ZDHHC21: variants seen among roughly 807,000 people sequenced by gnomAD.
The protein encoded by ZDHHC21 is palmitoyltransferase ZDHHC21.
In ZDHHC21, 15 loss-of-function variants were observed where a neutral mutation model predicts 34.6. That is an observed-to-expected ratio of 0.43 (90% CI 0.29 to 0.67). ZDHHC21 has a LOEUF of 0.67. Among genes scored for constraint, ZDHHC21 ranks in the 30% least tolerant of loss-of-function variants. ZDHHC21 has a pLI of 0.14. For missense variants in ZDHHC21, 344 were observed against 327.7 expected, an observed-to-expected ratio of 1.05 and a Z score of -0.38; for synonymous variants, 142 against 101.8, an observed-to-expected ratio of 1.40 and a Z score of -2.38.
chr9:14,639,937 T>A lies in ZDHHC21; in HGVS notation c.580A>T (p.Ile194Leu). Residue 194 changes from isoleucine (I) to leucine (L), a missense_variant, in exon 8 of 10, where the codon ATA becomes TTA. Ile to Leu is a conservative substitution (Grantham distance 5). Transcript: ENST00000380916. The stretch of plus-strand genomic sequence containing the variant: ...AGTTGAGTGTAAAAGAGTCCAGTTA[T>A]TCCAACTAACATAGTAATGCCCATA... ...AFMGITMLVG[I>L]TGLFYTQLIG... 1 of 1,607,950 alleles carries A rather than the reference T, an allele frequency of 6.2e-7. No homozygotes were observed. Among genetic ancestry groups the A allele is most frequent in the Non-Finnish European group, 8.5e-7 (1 of 1,176,520 alleles).
intron 2 of ZDHHC21, among the ~76,000 whole-genome samples, chr9:14,682,480 G>T (rs1587455082): frequency 6.6e-6 from 1 of 152,176 alleles, no homozygotes; most frequent in Non-Finnish European, 1.5e-5. Context: ...AACTCAACAA[G>T]AAGAGCTAAC....
downstream of ZDHHC21, among the ~76,000 whole-genome samples, chr9:14,608,397 T>G (rs959574333): frequency 2.0e-5 from 3 of 152,204 alleles, no homozygotes; most frequent in Non-Finnish European, 4.4e-5. Flanking sequence ...CAATTAAACT[T>G]ACTACTAAAG....
chr9:14,622,342 G>C (rs563513009), intron 8 of ZDHHC21, among the ~76,000 whole-genome samples: 1 of 151,314 alleles, frequency 6.6e-6, no homozygotes, highest in South Asian at 2.1e-4. Context: ...TATTTTTCAG[G>C]TCTAGTCTAA....
At position 14,613,118 on chromosome 9, in the gene ZDHHC21, T is replaced by C. The variant is rs2133372058; in HGVS notation, c.*5848A>G. ...GCCAAGCTATATTAAAATACAAAATTAAAATCCATACATGCCTACCTAAAA... is the reference window on the plus strand; with the variant it reads ...GCCAAGCTATATTAAAATACAAAATCAAAATCCATACATGCCTACCTAAAA... On this transcript the variant is annotated 3_prime_UTR_variant, in exon 10 of 10. Transcript: ENST00000380916. The C allele has an allele frequency of 6.6e-6, 1 of 151,896 alleles. No individual in the cohort carries two copies. Among genetic ancestry groups the C allele is most frequent in the South Asian group, 2.1e-4 (1 of 4,828 alleles). 9.4% of individuals were successfully genotyped at this position (151,896 alleles called of 1,614,324 possible).
At chr9:14,642,662 T>C (rs918640784) in intron 7 of ZDHHC21, among the ~76,000 whole-genome samples, 4 of 152,128 alleles carry the variant, frequency 2.6e-5, no homozygotes, top group Admixed American at 6.6e-5. Context: ...GGAAAGACCA[T>C]GTGGGGACAG....
chr9:14,607,426 T>A (rs979564839), downstream of ZDHHC21, among the ~76,000 whole-genome samples: 7 of 152,046 alleles, frequency 4.6e-5, no homozygotes, highest in African/African-American at 1.7e-4. Context: ...TATTATATGT[T>A]AATAGGGATA....
At chr9:14,622,882 C>CA (rs1433443038) in intron 8 of ZDHHC21, among the ~76,000 whole-genome samples, 2 of 152,048 alleles carry the variant, frequency 1.3e-5, no homozygotes, top group African/African-American at 4.8e-5. Flanking sequence ...GAAGACAGTT[C>CA]AATCTAACCT....
intron 2 of ZDHHC21, among the ~76,000 whole-genome samples, chr9:14,685,970 C>G (rs937483580): frequency 6.6e-6 from 1 of 151,990 alleles, no homozygotes; most frequent in African/African-American, 2.4e-5. Context: ...AAACCAAACA[C>G]CACATGTTCT....
chr9:14,597,164 C>T, the ZDHHC21 span, among the ~76,000 whole-genome samples: 2 of 152,144 alleles, frequency 1.3e-5, no homozygotes, highest in African/African-American at 2.4e-5. Context: ...GTCCCACACA[C>T]CCCGAGACCC....
intron 7 of ZDHHC21, among the ~76,000 whole-genome samples, chr9:14,653,978 A>C (rs977849587): frequency 3.9e-5 from 6 of 152,048 alleles, no homozygotes; most frequent in African/African-American, 1.4e-4. Context: ...AAAATCTCAG[A>C]GAAAGTAGAC....
chr9:14,622,126 T>C (rs983624372), intron 8 of ZDHHC21, among the ~76,000 whole-genome samples: 2 of 152,122 alleles, frequency 1.3e-5, no homozygotes, highest in African/African-American at 4.8e-5. Flanking sequence ...TATAAATATT[T>C]ACACCTCGAT....
chr9:14,602,773 A>T, the ZDHHC21 span, among the ~76,000 whole-genome samples: 1 of 152,120 alleles, frequency 6.6e-6, no homozygotes, highest in East Asian at 1.9e-4. Context: ...AACAAAGGAC[A>T]AAAGCCAGGC....
At position 14,693,407 on chromosome 9, in the gene ZDHHC21, G is replaced by T. The variant is rs756071374; in HGVS notation, c.-403C>A. On this transcript the variant is annotated 5_prime_UTR_variant, in exon 1 of 10. Transcript: ENST00000380916. Reference sequence around the variant, plus strand: ...CGGCCGAGTGGGTGTCCGCATGCCCGCGCGCCCGCGTGGGGAGGGACGACT... The same window carrying T: ...CGGCCGAGTGGGTGTCCGCATGCCCTCGCGCCCGCGTGGGGAGGGACGACT... The T allele has an allele frequency of 6.8e-6, 2 of 295,620 alleles. No homozygotes were observed. Among genetic ancestry groups the T allele is most frequent in the Non-Finnish European group, 1.3e-5 (2 of 152,966 alleles). The allele number at this position is 295,620 out of a possible 1,614,324, so 18.3% of individuals were successfully genotyped here. A position where few individuals can be genotyped will look rare whatever the true frequency, so the allele number is the denominator to read the frequency against.
At chr9:14,682,387 A>T (rs1329410831) in intron 2 of ZDHHC21, among the ~76,000 whole-genome samples, 2 of 152,204 alleles carry the variant, frequency 1.3e-5, no homozygotes, top group Non-Finnish European at 2.9e-5. Flanking sequence ...CAGGGGTTGC[A>T]ATCCTAGTCT....
rs569650751 is a variant in ZDHHC21, at chr9:14,680,322, T to C, written c.-175-160A>G. Among the ~76,000 whole-genome samples the C allele has an allele frequency of 1.6e-4, 24 of 152,234 alleles. No individual in the cohort carries two copies. The East Asian group carries it at 4.1e-3, about 26-fold the overall frequency. On this transcript the variant is annotated intron_variant, in intron 2 of 9. Coordinates refer to ENST00000380916, the MANE Select transcript of ZDHHC21 (RefSeq NM_178566.6). ...ATTCTGTGCTTTCATATCCCACCCA[T>C]CCCCTCAGAATTTGCATTTGATTAC...
At chr9:14,589,108 A>G in the ZDHHC21 span, 1 of 152,190 alleles carries the variant, frequency 6.6e-6, no homozygotes, top group Non-Finnish European at 1.5e-5. Flanking sequence ...ACACATTCAT[A>G]AAGCACTGGG....
At chr9:14,605,204 ATTTT>A in the ZDHHC21 span, among the ~76,000 whole-genome samples, 11 of 147,210 alleles carry the variant, frequency 7.5e-5, no homozygotes, top group South Asian at 1.7e-3. Flanking sequence ...TCCTGGTTTC[ATTTT>A]TTTTTTTTTT....
At chr9:14,602,224 G>C in the ZDHHC21 span, among the ~76,000 whole-genome samples, 1,399 of 151,826 alleles carry the variant, frequency 9.2e-3, 21 homozygotes, top group African/African-American at 0.032. Context: ...TCAATAGAGA[G>C]CTTCAACAAT....
At chr9:14,624,038 G>C (rs1258551097) in intron 8 of ZDHHC21, among the ~76,000 whole-genome samples, 5 of 152,194 alleles carry the variant, frequency 3.3e-5, no homozygotes, top group Admixed American at 3.3e-4. Flanking sequence ...CTCCATATTT[G>C]TGGGTTCTGT....
Sources: allele counts gnomAD v4.1 joint callset (sites outside exome capture counted in the v4.1 genomes callset), GRCh38; gene constraint gnomAD v4.1.1; transcripts MANE v1.5; gene names NCBI Gene and HGNC (gene_info 2026-07-23, HGNC 2026-07-21).